The following CALN1 variants were observed in gnomAD, a reference collection of about 807,000 sequenced individuals.
The protein encoded by CALN1 is calneuron 1.
In CALN1, 17 loss-of-function variants were observed where a neutral mutation model predicts 30.6. That is an observed-to-expected ratio of 0.56 (90% CI 0.38 to 0.83). The LOEUF (loss-of-function observed/expected upper bound fraction) is 0.83, where lower values mean the gene tolerates loss of function less well. Among genes scored for constraint, CALN1 ranks in the 40% least tolerant of loss-of-function variants. CALN1 has a pLI of 0.00. For synonymous variants in CALN1, 156 were observed against 131.4 expected (o/e 1.19, Z -1.28); for missense variants, 291 against 354.9 (o/e 0.82, Z 1.45).
At chr7:71,980,721 G>A (rs1361119263) in intron 5 of CALN1, among the ~76,000 whole-genome samples, 1 of 152,062 alleles carries the variant, frequency 6.6e-6, no homozygotes, top group Non-Finnish European at 1.5e-5. Flanking sequence ...CATTTCTATA[G>A]GCCAAAAACG....
intron 2 of CALN1, among the ~76,000 whole-genome samples, chr7:72,300,523 T>G (rs1384501400): frequency 6.6e-6 from 1 of 152,184 alleles, no homozygotes; most frequent in Non-Finnish European, 1.5e-5. Context: ...CTCACTAAAA[T>G]TTTAATGACA....
chr7:71,873,134 G>A (rs557168157), intron 5 of CALN1, among the ~76,000 whole-genome samples: 1 of 150,926 alleles, frequency 6.6e-6, no homozygotes, highest in African/African-American at 2.4e-5. Context: ...GTCTTGAGTA[G>A]CTAGGATTAC....
intron 3 of CALN1, among the ~76,000 whole-genome samples, chr7:72,108,672 A>T (rs1031566833): frequency 6.6e-6 from 1 of 152,124 alleles, no homozygotes; most frequent in Non-Finnish European, 1.5e-5. Context: ...TCGTCTATAC[A>T]TTCCTTCCCT....
intron 3 of CALN1, among the ~76,000 whole-genome samples, chr7:72,156,073 T>C (rs1219463423): frequency 6.6e-6 from 1 of 151,978 alleles, no homozygotes; most frequent in African/African-American, 2.4e-5. Context: ...GGTTCCAAGG[T>C]TAGGACATGA....
intron 5 of CALN1, among the ~76,000 whole-genome samples, chr7:71,972,769 C>T (rs1228247082): frequency 6.6e-6 from 1 of 152,124 alleles, no homozygotes; most frequent in African/African-American, 2.4e-5. Flanking sequence ...CCGTTAAGCT[C>T]CCCTCATTTG....
intron 5 of CALN1, among the ~76,000 whole-genome samples, chr7:71,970,654 T>C (rs1382988205): frequency 1.3e-5 from 2 of 151,892 alleles, no homozygotes; most frequent in African/African-American, 4.8e-5. Flanking sequence ...CAACATTCTC[T>C]GAATGGAAGT....
At chr7:72,297,177 A>G (rs900940269) in intron 2 of CALN1, among the ~76,000 whole-genome samples, 8 of 152,058 alleles carry the variant, frequency 5.3e-5, no homozygotes, top group Admixed American at 4.6e-4. Context: ...CCTTCATTTC[A>G]TTATGTACCC....
At chr7:71,820,077 T>G (rs1788503804) in intron 5 of CALN1, among the ~76,000 whole-genome samples, 1 of 152,242 alleles carries the variant, frequency 6.6e-6, no homozygotes, top group Non-Finnish European at 1.5e-5. Context: ...AGAGTAAGAC[T>G]GATAGGACAA....
At chr7:72,458,257 T>G in the CALN1 span, among the ~76,000 whole-genome samples, 112 of 85,448 alleles carry the variant, frequency 1.3e-3, 1 homozygote, top group Non-Finnish European at 1.5e-3. Context: ...ATATATTTTA[T>G]AATATATTCT....
At chr7:71,924,697 G>C (rs1795169112) in intron 5 of CALN1, among the ~76,000 whole-genome samples, 1 of 151,796 alleles carries the variant, frequency 6.6e-6, no homozygotes, top group South Asian at 2.1e-4. Context: ...TCAGTGGTTT[G>C]ACTATGATGT....
intron 3 of CALN1, among the ~76,000 whole-genome samples, chr7:72,236,740 G>A (rs1794494932): frequency 6.6e-6 from 1 of 152,186 alleles, no homozygotes; most frequent in Non-Finnish European, 1.5e-5. Flanking sequence ...AAATAAATGT[G>A]TCATTGATTT....
chr7:71,939,947 G>A (rs577549172), intron 5 of CALN1, among the ~76,000 whole-genome samples: 12 of 152,262 alleles, frequency 7.9e-5, no homozygotes, highest in African/African-American at 2.9e-4. Context: ...CAGAGGATAC[G>A]CCTTACAAAC....
chr7:72,210,224 C>T (rs930011566), intron 3 of CALN1, among the ~76,000 whole-genome samples: 2 of 152,086 alleles, frequency 1.3e-5, no homozygotes, highest in Non-Finnish European at 2.9e-5. Context: ...CCCCTTGAGG[C>T]ATGCCTGCAG....
intron 2 of CALN1, among the ~76,000 whole-genome samples, chr7:72,367,453 G>C (rs2944796): frequency 0.32 from 49,103 of 151,956 alleles, 9,636 homozygotes; most frequent in Middle Eastern, 0.51. Context: ...GTGAGCTCCT[G>C]TCTCTGCAAA....
At chr7:72,346,963 T>A (rs1802675509) in intron 2 of CALN1, among the ~76,000 whole-genome samples, 1 of 152,108 alleles carries the variant, frequency 6.6e-6, no homozygotes, top group South Asian at 2.1e-4. Flanking sequence ...AAAAATATCC[T>A]GCTAATGTGT....
At chr7:71,967,534 T>C (rs1232068266) in intron 5 of CALN1, among the ~76,000 whole-genome samples, 1 of 146,802 alleles carries the variant, frequency 6.8e-6, no homozygotes, top group Non-Finnish European at 1.5e-5. Context: ...GAGGCTGAGG[T>C]GGAAAAATCG....
chr7:72,031,908 A>G (rs928655586), intron 4 of CALN1, among the ~76,000 whole-genome samples: 5 of 151,164 alleles, frequency 3.3e-5, no homozygotes, highest in Non-Finnish European at 7.4e-5. Context: ...TGCCCAGCTC[A>G]TTTTTTGTAT....
chr7:72,336,655 A>C (rs1802064994), intron 2 of CALN1: 1 of 979,850 alleles, frequency 1.0e-6, no homozygotes, highest in African/African-American at 1.7e-5. Flanking sequence ...GGGAAGAAGA[A>C]AAGAGAGCGC....
intron 5 of CALN1, among the ~76,000 whole-genome samples, chr7:71,948,559 C>A (rs10279318): frequency 0.52 from 79,289 of 151,400 alleles, 21,116 homozygotes; most frequent in South Asian, 0.59. Context: ...GTGAGATCCC[C>A]GTCTCTACTA....
Sources: gnomAD v4.1 joint callset for allele counts (sites outside exome capture counted in the v4.1 genomes callset) on GRCh38, gnomAD v4.1.1 for gene constraint, MANE v1.5 for transcripts, NCBI Gene and HGNC (gene_info 2026-07-23, HGNC 2026-07-21) for gene names.